The following SPMIP7 variants were observed in gnomAD, a reference collection of about 807,000 sequenced individuals.
SPMIP7 encodes the protein sperm microtubule inner protein 7.
the SPMIP7 span, among the ~76,000 whole-genome samples, chr7:50,123,040 C>T: frequency 1.4e-5 from 2 of 141,330 alleles, no homozygotes; most frequent in Non-Finnish European, 3.0e-5. Context: ...CCAGAAATAC[C>T]ATTTGACCCA....
chr7:50,111,927 G>C, the SPMIP7 span, among the ~76,000 whole-genome samples: 1 of 152,018 alleles, frequency 6.6e-6, no homozygotes, highest in African/African-American at 2.4e-5. Context: ...ATCTAGTGAA[G>C]ACAATTACTC....
the SPMIP7 span, chr7:50,096,366 T>C: frequency 6.4e-7 from 1 of 1,552,160 alleles, no homozygotes; most frequent in East Asian, 2.4e-5. Context: ...CATTATCCAT[T>C]ATTTCCACTT....
the SPMIP7 span, among the ~76,000 whole-genome samples, chr7:50,141,034 G>A: frequency 6.6e-6 from 1 of 152,190 alleles, no homozygotes; most frequent in Non-Finnish European, 1.5e-5. Context: ...ACACAAAACA[G>A]CCCTTACTGT....
At chr7:50,140,181 C>A in the SPMIP7 span, 1 of 1,488,214 alleles carries the variant, frequency 6.7e-7, no homozygotes, top group South Asian at 1.4e-5. Flanking sequence ...CCTCTCTATA[C>A]GTAAGTAATG....
the SPMIP7 span, among the ~76,000 whole-genome samples, chr7:50,146,268 A>G: frequency 6.6e-6 from 1 of 152,224 alleles, no homozygotes; most frequent in Non-Finnish European, 1.5e-5. Context: ...AGGAAATGGC[A>G]TAAAGAGCCA....
chr7:50,099,004 G>A, the SPMIP7 span, among the ~76,000 whole-genome samples: 2 of 152,002 alleles, frequency 1.3e-5, no homozygotes, highest in Admixed American at 6.6e-5. Flanking sequence ...TCCCTGCCAG[G>A]GGTTATGAAC....
the SPMIP7 span, among the ~76,000 whole-genome samples, chr7:50,145,137 C>A: frequency 6.6e-6 from 1 of 151,794 alleles, no homozygotes; most frequent in Admixed American, 6.6e-5. Context: ...GTGGTGAGCG[C>A]CTGTAATCCC....
the SPMIP7 span, among the ~76,000 whole-genome samples, chr7:50,110,829 AT>A: frequency 1.5e-5 from 2 of 131,494 alleles, no homozygotes; most frequent in East Asian, 2.1e-4. Context: ...ATATAATCAT[AT>A]TATATATTAT....
At chr7:50,119,349 G>A in the SPMIP7 span, among the ~76,000 whole-genome samples, 37 of 152,232 alleles carry the variant, frequency 2.4e-4, no homozygotes, top group East Asian at 1.4e-3. Flanking sequence ...CTATCCTAAC[G>A]CCATAGATCA....
At chr7:50,140,189 A>T in the SPMIP7 span, 1 of 1,479,972 alleles carries the variant, frequency 6.8e-7, no homozygotes. Flanking sequence ...TACGTAAGTA[A>T]TGTTTCTCAG....
At chr7:50,116,923 T>C in the SPMIP7 span, among the ~76,000 whole-genome samples, 1 of 152,208 alleles carries the variant, frequency 6.6e-6, no homozygotes, top group Non-Finnish European at 1.5e-5. Context: ...GTAACCTGAG[T>C]GTTGAAGCAA....
At chr7:50,100,568 TTTG>T in the SPMIP7 span, among the ~76,000 whole-genome samples, 1 of 152,116 alleles carries the variant, frequency 6.6e-6, no homozygotes, top group African/African-American at 2.4e-5. Flanking sequence ...ATCCCAGCAC[TTTG>T]GGAAGCCAAG....
the SPMIP7 span, among the ~76,000 whole-genome samples, chr7:50,119,275 T>C: frequency 6.6e-6 from 1 of 152,176 alleles, no homozygotes; most frequent in African/African-American, 2.4e-5. Flanking sequence ...TGTTTGAGAA[T>C]TGAAGGTAAA....
At chr7:50,140,138 AGT>A in the SPMIP7 span, 2 of 1,497,186 alleles carry the variant, frequency 1.3e-6, no homozygotes, top group Non-Finnish European at 1.8e-6. Flanking sequence ...TCTTTTTTGA[AGT>A]GTGAGTTCAA....
the SPMIP7 span, among the ~76,000 whole-genome samples, chr7:50,147,231 C>A: frequency 1.3e-5 from 2 of 152,214 alleles, no homozygotes; most frequent in Non-Finnish European, 2.9e-5. Flanking sequence ...TGATTTGAAC[C>A]TGCACTTACA....
the SPMIP7 span, among the ~76,000 whole-genome samples, chr7:50,124,224 G>A: frequency 6.6e-6 from 1 of 151,936 alleles, no homozygotes; most frequent in Non-Finnish European, 1.5e-5. Context: ...TAGTAACAAA[G>A]GTTCAAAATA....
the SPMIP7 span, among the ~76,000 whole-genome samples, chr7:50,110,284 C>T: frequency 1.3e-5 from 2 of 151,014 alleles, no homozygotes; most frequent in Admixed American, 6.6e-5. Flanking sequence ...ATCTTAAAAG[C>T]GGCCAGAGGT....
the SPMIP7 span, among the ~76,000 whole-genome samples, chr7:50,113,604 A>T: frequency 6.6e-6 from 1 of 152,188 alleles, no homozygotes; most frequent in African/African-American, 2.4e-5. Flanking sequence ...ATCAGTGAAA[A>T]TAAAGACATA....
chr7:50,157,909 T>A, the SPMIP7 span, among the ~76,000 whole-genome samples: 5 of 147,070 alleles, frequency 3.4e-5, no homozygotes, highest in Non-Finnish European at 7.6e-5. Flanking sequence ...TTAAAAAAAA[T>A]TATTTTAATT....
Sources: gnomAD v4.1 joint callset for allele counts (sites outside exome capture counted in the v4.1 genomes callset) on GRCh38, gnomAD v4.1.1 for gene constraint, MANE v1.5 for transcripts, NCBI Gene and HGNC (gene_info 2026-07-23, HGNC 2026-07-21) for gene names.